The following MANBAL variants were observed in gnomAD, a reference collection of about 807,000 sequenced individuals.
MANBAL encodes the protein mannosidase beta like, also known as protein MANBAL.
In MANBAL, 1 loss-of-function variant was observed where a neutral mutation model predicts 6.4. That is an observed-to-expected ratio of 0.16 (90% CI 0.06 to 0.74). The LOEUF is 0.74. Ranked by LOEUF, MANBAL falls within the 30% of genes least tolerant of loss-of-function variation. The pLI, the probability that MANBAL is intolerant of heterozygous loss-of-function variation, is 0.78. For missense variants in MANBAL, 100 were observed against 107.8 expected (o/e 0.93, Z 0.32); for synonymous variants, 47 against 45.8 (o/e 1.03, Z -0.10).
At chr20:37,291,453 C>A (rs1199331855) in intron 1 of MANBAL, among the ~76,000 whole-genome samples, 1 of 152,176 alleles carries the variant, frequency 6.6e-6, no homozygotes, top group Non-Finnish European at 1.5e-5. Flanking sequence ...TCTCTGTGAT[C>A]GTTTCTCAGA....
At chr20:37,295,229 A>G (rs563473475) in intron 1 of MANBAL, among the ~76,000 whole-genome samples, 12 of 152,190 alleles carry the variant, frequency 7.9e-5, no homozygotes, top group African/African-American at 1.7e-4. Flanking sequence ...TCATTTACCA[A>G]ATATTTATGA....
At chr20:37,296,125 G>T (rs968881032) in intron 1 of MANBAL, among the ~76,000 whole-genome samples, 16 of 152,148 alleles carry the variant, frequency 1.1e-4, no homozygotes, top group African/African-American at 3.9e-4. Context: ...TAAATAAAAT[G>T]AAAAATTCAG....
intron 1 of MANBAL, among the ~76,000 whole-genome samples, chr20:37,295,586 G>A (rs1173782473): frequency 6.6e-6 from 1 of 152,160 alleles, no homozygotes; most frequent in Non-Finnish European, 1.5e-5. Context: ...TTGACATACT[G>A]GGTAAGCGCC....
Position 37,301,269 on chromosome 20 carries a change from C to T in MANBAL, c.6C>T (p.Ala2=), listed in dbSNP as rs142869784. The T allele has an allele frequency of 9.4e-5, 150 of 1,598,944 alleles. No individual in the cohort carries two copies. The African/African-American group carries it at 1.7e-3, about 18-fold the overall frequency. ...GGCAGCAAGCGACTTGGGCCATGGC[C>T]TCTGACCTAGACTTCTCACCTCCGG... The part of the protein sequence containing the change: M[A]SDLDFSPPEV... The change falls in exon 2 of 3, where the codon GCC becomes GCT. Residue 2 remains alanine (A), a synonymous_variant. Coordinates refer to ENST00000373606, the MANE Select transcript of MANBAL (RefSeq NM_001003897.2).
intron 2 of MANBAL, among the ~76,000 whole-genome samples, chr20:37,310,367 A>C (rs982389406): frequency 6.6e-6 from 1 of 152,202 alleles, no homozygotes; most frequent in Non-Finnish European, 1.5e-5. Flanking sequence ...CGTTAAGCAG[A>C]CTGGTCTGAG....
chr20:37,308,073 C>T (rs2069298359), intron 2 of MANBAL, among the ~76,000 whole-genome samples: 1 of 152,180 alleles, frequency 6.6e-6, no homozygotes, highest in Admixed American at 6.5e-5. Flanking sequence ...CCCTGCTTCT[C>T]TGCTTGCTGG....
At chr20:37,306,883 C>A (rs993075392) in intron 2 of MANBAL, among the ~76,000 whole-genome samples, 4 of 152,198 alleles carry the variant, frequency 2.6e-5, no homozygotes, top group African/African-American at 9.7e-5. Context: ...CACATAGAAC[C>A]ATCTGGGGAA....
rs1301503015 is a variant in MANBAL, at chr20:37,316,440, G to A, written c.*25G>A. ...GAAGAGGAGGCCTGAGGAGCTGGGCGGGCAGGGAGAGGGTCTTGGGGACAG... is the reference window on the plus strand; with the variant it reads ...GAAGAGGAGGCCTGAGGAGCTGGGCAGGCAGGGAGAGGGTCTTGGGGACAG... On this transcript the variant is annotated 3_prime_UTR_variant, in exon 3 of 3. Transcript: ENST00000373606. 1.9e-6 allele frequency: 3 copies of A among 1,600,230 alleles called. No individual in the cohort carries two copies. Among genetic ancestry groups the A allele is most frequent in the Admixed American group, 1.7e-5 (1 of 58,498 alleles).
In MANBAL at chr20:37,316,664, G is replaced by T; in HGVS notation, c.*249G>T. On this transcript the variant is annotated 3_prime_UTR_variant, in exon 3 of 3. Coordinates refer to ENST00000373606, the MANE Select transcript of MANBAL (RefSeq NM_001003897.2). ...CTGAAACACACTGTGAGCATAGACT[G>T]TATTAGGTTTGTTCAGAAGCCGGGT... 6.0e-6 allele frequency: 2 copies of T among 331,048 alleles called. No individual in the cohort carries two copies. Among genetic ancestry groups the T allele is most frequent in the Non-Finnish European group, 5.6e-6 (1 of 177,484 alleles). The allele number at this position is 331,048 out of a possible 1,614,324, so 20.5% of individuals were successfully genotyped here. A position where few individuals can be genotyped will look rare whatever the true frequency, so the allele number is the denominator to read the frequency against.
At chr20:37,291,327 C>T (rs2068864153) in intron 1 of MANBAL, among the ~76,000 whole-genome samples, 1 of 152,132 alleles carries the variant, frequency 6.6e-6, no homozygotes, top group South Asian at 2.1e-4. Flanking sequence ...TTATTATTAA[C>T]TCTAATCTGT....
At chr20:37,289,812 C>T (rs896606690) in intron 1 of MANBAL, 126 bp downstream of exon 1, 1 of 152,326 alleles carries the variant, frequency 6.6e-6, no homozygotes, top group African/African-American at 2.4e-5. Flanking sequence ...TCGCTCCGCT[C>T]AGGGCCTGAA....
chr20:37,307,154 C>CA (rs1259989642), intron 2 of MANBAL, among the ~76,000 whole-genome samples: 9 of 152,094 alleles, frequency 5.9e-5, no homozygotes, highest in Non-Finnish European at 1.0e-4. Context: ...TTTGTAGAGA[C>CA]ACGGTTTCAC....
chr20:37,310,978 A>G (rs886597053), intron 2 of MANBAL, among the ~76,000 whole-genome samples: 2 of 152,204 alleles, frequency 1.3e-5, no homozygotes, highest in Non-Finnish European at 2.9e-5. Context: ...ACTTGGAGCT[A>G]CAGGCCCTGT....
chr20:37,309,258 C>T (rs916560192), intron 2 of MANBAL, among the ~76,000 whole-genome samples: 13 of 152,226 alleles, frequency 8.5e-5, no homozygotes, highest in African/African-American at 2.6e-4. Context: ...CCTTATCAGT[C>T]GGGATTGACA....
chr20:37,304,827 G>A, intron 2 of MANBAL, among the ~76,000 whole-genome samples: 1 of 152,196 alleles, frequency 6.6e-6, no homozygotes, highest in East Asian at 1.9e-4. Flanking sequence ...AAAAGCCGGT[G>A]GATTTACAAG....
At chr20:37,289,737 C>T (rs1401686640) in intron 1 of MANBAL, 51 bp downstream of exon 1, 1 of 152,304 alleles carries the variant, frequency 6.6e-6, no homozygotes, top group Non-Finnish European at 1.5e-5. Flanking sequence ...GAGCCGTCCT[C>T]GGTGCGGTGG....
rs1037947737 is a variant in MANBAL, at chr20:37,305,008, C to G, written c.150+3595C>G. On this transcript the variant is annotated intron_variant, in intron 2 of 2. Coordinates refer to ENST00000373606, the MANE Select transcript of MANBAL (RefSeq NM_001003897.2). Reference sequence around the variant, plus strand: ...GGGGCTCCAGCATAGAGGGCACAGGCAGGGGAGGAGCAGCCAGCAAGGGTG... The same window carrying G: ...GGGGCTCCAGCATAGAGGGCACAGGGAGGGGAGGAGCAGCCAGCAAGGGTG... Among the ~76,000 whole-genome samples the G allele has an allele frequency of 7.2e-5, 11 of 152,204 alleles. No individual in the cohort carries two copies. The East Asian group carries it at 2.1e-3, about 29-fold the overall frequency.
chr20:37,302,151 C>G, intron 2 of MANBAL: 1 of 1,346,460 alleles, frequency 7.4e-7, no homozygotes, highest in Non-Finnish European at 1.0e-6. Context: ...CCCATTTGCT[C>G]GTGACATTGA....
chr20:37,298,419 A>C (rs1055331729), intron 1 of MANBAL, among the ~76,000 whole-genome samples: 1 of 152,166 alleles, frequency 6.6e-6, no homozygotes, highest in African/African-American at 2.4e-5. Context: ...AGCCCTTGGT[A>C]ACCTCAATTC....
Sources: allele counts gnomAD v4.1 joint callset (sites outside exome capture counted in the v4.1 genomes callset), GRCh38; gene constraint gnomAD v4.1.1; transcripts MANE v1.5; gene names NCBI Gene and HGNC (gene_info 2026-07-23, HGNC 2026-07-21).